Variants in ZNF778 observed in about 807,000 individuals in gnomAD.
ZNF778 encodes zinc finger protein 778.
In ZNF778, 37 loss-of-function variants were observed where a neutral mutation model predicts 23.9. The observed-to-expected ratio is 1.54, with a 90% CI of 1.19 to 2.03. The LOEUF is 2.03. Ranked by LOEUF, ZNF778 falls within the 30% of genes most tolerant of loss-of-function variation. The pLI is 0.00. For missense variants in ZNF778, 1,297 were observed against 934.4 expected (o/e 1.39, Z -5.06); for synonymous variants, 483 against 343.9 (o/e 1.40, Z -4.48).
rs371492438 is a variant in ZNF778, at chr16:89,223,141, A to G, written c.118-16A>G. The G allele has an allele frequency of 6.2e-7, 1 of 1,610,864 alleles. No individual in the cohort carries two copies. The highest frequency in any genetic ancestry group is 1.3e-5 in the African/African-American group (1 of 74,772). On this transcript the variant is annotated splice_polypyrimidine_tract_variant and intron_variant, in intron 3 of 6. Coordinates refer to ENST00000433976, the MANE Select transcript of ZNF778 (RefSeq NM_001201407.2). Reference sequence around the variant, plus strand: ...GACACGTTGGAAGGCTCCAACCGTCATGTGTGATGATTTAGGACGCGGTGA... The same window carrying G: ...GACACGTTGGAAGGCTCCAACCGTCGTGTGTGATGATTTAGGACGCGGTGA...
At position 89,227,015 on chromosome 16, in the gene ZNF778, C is replaced by G; in HGVS notation, c.727C>G (p.Arg243Gly). 6.2e-7 allele frequency: 1 copy of G among 1,613,940 alleles called. No homozygotes were observed. Reference protein sequence around the residue: ...VFLNQSYLQARAGSHNGEETW... With the variant: ...VFLNQSYLQAGAGSHNGEETW... ...CCTTAATCAGTCATACCTTCAGGCA[C>G]GTGCGGGAAGTCACAACGGAGAAGA... Residue 243 changes from arginine (R) to glycine (G), a missense_variant, in exon 7 of 7, where the codon CGT becomes GGT. Arg to Gly is a moderately radical substitution (Grantham distance 125). Coordinates refer to ENST00000433976, the MANE Select transcript of ZNF778 (RefSeq NM_001201407.2).
At position 89,227,032 on chromosome 16, in the gene ZNF778, C is replaced by A. The variant is rs761177167; in HGVS notation, c.744C>A (p.Asn248Lys). The change falls in exon 7 of 7, where the codon AAC becomes AAA. Residue 248 changes from asparagine to lysine, a missense_variant. Transcript: ENST00000433976. ...TTCAGGCACGTGCGGGAAGTCACAA[C>A]GGAGAAGAAACATGGAAATGGAAGC... The part of the protein sequence containing the change: ...SYLQARAGSH[N>K]GEETWKWKPC... The A allele has an allele frequency of 3.1e-6, 5 of 1,613,906 alleles. No individual in the cohort carries two copies. Among genetic ancestry groups the A allele is most frequent in the Non-Finnish European group, 4.2e-6 (5 of 1,179,890 alleles).
At chr16:89,225,121 T>G (rs1169286359) in intron 5 of ZNF778, among the ~76,000 whole-genome samples, 3 of 95,702 alleles carry the variant, frequency 3.1e-5, no homozygotes, top group African/African-American at 3.4e-5. Flanking sequence ...GTTTTTTTTT[T>G]TTTTTTTTTT....
chr16:89,226,937 C>T lies in ZNF778; in HGVS notation c.649C>T (p.Gln217Ter), dbSNP rs778517598. 6.2e-7 allele frequency: 1 copy of T among 1,614,016 alleles called. No homozygotes were observed. Among genetic ancestry groups the T allele is most frequent in the South Asian group, 1.1e-5 (1 of 91,084 alleles). The change falls in exon 7 of 7, where the codon CAA (glutamine) becomes TAA (stop). Residue 217 changes from glutamine to a stop codon, truncating the protein, a stop_gained. Coordinates refer to ENST00000433976, the MANE Select transcript of ZNF778 (RefSeq NM_001201407.2). LOFTEE classifies it low-confidence loss of function (END_TRUNC). ...CTCTACTCCAAATGTTGTTTCCCAGCAAGCATGCACTCGGGACAGATCTCT... is the reference window on the plus strand; with the variant it reads ...CTCTACTCCAAATGTTGTTTCCCAGTAAGCATGCACTCGGGACAGATCTCT... The part of the protein sequence containing the change: ...FSSTPNVVSQ[Q>*]ACTRDRSLDY...
chr16:89,221,583 CTGTGTGTG>C (rs35503385), intron 2 of ZNF778, among the ~76,000 whole-genome samples: 21 of 141,496 alleles, frequency 1.5e-4, no homozygotes, highest in South Asian at 4.7e-4. Context: ...CACTGTATGG[CTGTGTGTG>C]TGTGTGTGTG....
Position 89,227,503 on chromosome 16 carries a change from C to T in ZNF778, c.1215C>T (p.Ser405=), listed in dbSNP as rs944767307. 10 of 1,613,682 alleles carry T rather than the reference C, an allele frequency of 6.2e-6. No homozygotes were observed. The highest frequency in any genetic ancestry group is 5.3e-5 in the African/African-American group (4 of 74,822). Residue 405 remains serine (S), a synonymous_variant, in exon 7 of 7, where the codon TCC becomes TCT. Coordinates refer to ENST00000433976, the MANE Select transcript of ZNF778 (RefSeq NM_001201407.2). ...CVVCGKYFRN[S]SCLNNHVRIH... is the part of the protein sequence containing the mutation. The stretch of plus-strand genomic sequence containing the variant: ...TTTGCGGAAAATATTTTAGAAATTC[C>T]TCATGCCTTAATAATCATGTTCGAA...
At position 89,230,566 on chromosome 16, in the gene ZNF778, C is replaced by T. The variant is rs367979935; in HGVS notation, c.*2004C>T. On this transcript the variant is annotated 3_prime_UTR_variant, in exon 7 of 7. Coordinates refer to ENST00000433976, the MANE Select transcript of ZNF778 (RefSeq NM_001201407.2). ...CTCCTTTGTGTACCATGAAAACAGA[C>T]CAGGGACACGGCTGGTCCTGATGTT... The T allele has an allele frequency of 2.6e-5, 4 of 152,370 alleles. No individual in the cohort carries two copies. The East Asian group carries it at 5.8e-4, about 22-fold the overall frequency. 9.4% of individuals were successfully genotyped at this position (152,370 alleles called of 1,614,324 possible). A position where few individuals can be genotyped will look rare whatever the true frequency, so the allele number is the denominator to read the frequency against.
rs2031863055 is a variant in ZNF778 at position 89,230,485 on chromosome 16, G to C, written c.*1923G>C. 6.6e-6 allele frequency: 1 copy of C among 152,184 alleles called. No homozygotes were observed. The highest frequency in any genetic ancestry group is 1.5e-5 in the Non-Finnish European group (1 of 68,080). 9.4% of individuals were successfully genotyped at this position (152,184 alleles called of 1,614,324 possible). A position where few individuals can be genotyped will look rare whatever the true frequency, so the allele number is the denominator to read the frequency against. On this transcript the variant is annotated 3_prime_UTR_variant, in exon 7 of 7. Coordinates refer to ENST00000433976, the MANE Select transcript of ZNF778 (RefSeq NM_001201407.2). ...GCAGCTGCTGTGATCCGGCATTCAT[G>C]GGGCAGCTGCTGCGACCCGGCACTC...
intron 3 of ZNF778, among the ~76,000 whole-genome samples, chr16:89,222,444 A>T (rs1006456980): frequency 1.3e-5 from 2 of 152,162 alleles, no homozygotes; most frequent in Non-Finnish European, 2.9e-5. Flanking sequence ...GCTCACTGCA[A>T]TCTCCGCCTC....
intron 3 of ZNF778, among the ~76,000 whole-genome samples, chr16:89,222,915 G>C (rs1277117218): frequency 6.7e-6 from 1 of 149,718 alleles, no homozygotes; most frequent in African/African-American, 2.4e-5. Flanking sequence ...GCGACAGGGT[G>C]CGCGTGACTG....
At chr16:89,223,051 G>A in intron 3 of ZNF778, 106 bp from the exon 4 acceptor site, 1 of 1,363,064 alleles carries the variant, frequency 7.3e-7, no homozygotes, top group South Asian at 1.5e-5. Flanking sequence ...GGGGTAGACA[G>A]TAGGAGGCCT....
Position 89,235,861 on chromosome 16 carries a change from A to T in ZNF778, c.*7299A>T, listed in dbSNP as rs1397442190. ...ATGAGCCCCAGACAGGATAAACCTA[A>T]AGAAAACCAAGCCCAGGCCGGGGGC... On this transcript the variant is annotated 3_prime_UTR_variant, in exon 7 of 7. Transcript: ENST00000433976. The T allele has an allele frequency of 1.3e-5, 2 of 152,116 alleles. No homozygotes were observed. The highest frequency in any genetic ancestry group is 2.9e-5 in the Non-Finnish European group (2 of 68,040). 9.4% of individuals were successfully genotyped at this position (152,116 alleles called of 1,614,324 possible).
Position 89,227,940 on chromosome 16 carries a change from A to G in ZNF778, c.1652A>G (p.His551Arg). The stretch of plus-strand genomic sequence containing the variant: ...AATAGGGTTTATCTACTGAATGAGC[A>G]TGTGAAAACTCACACAGAGGAGAAG... The part of the protein sequence containing the change: ...AYNRVYLLNE[H>R]VKTHTEEKPF... Residue 551 changes from histidine (H) to arginine (R), a missense_variant, in exon 7 of 7, where the codon CAT becomes CGT. Coordinates refer to ENST00000433976, the MANE Select transcript of ZNF778 (RefSeq NM_001201407.2). 6.3e-7 allele frequency: 1 copy of G among 1,590,348 alleles called. No individual in the cohort carries two copies. The highest frequency in any genetic ancestry group is 1.1e-5 in the South Asian group (1 of 88,210).
Position 89,233,890 on chromosome 16 carries a change from C to T in ZNF778, c.*5328C>T, listed in dbSNP as rs2151642410. On this transcript the variant is annotated 3_prime_UTR_variant, in exon 7 of 7. Coordinates refer to ENST00000433976, the MANE Select transcript of ZNF778 (RefSeq NM_001201407.2). ...CACACCAAGCCAGTATTTCTCCTCCCTGAAGTCAGCCCAGGATGAGGCACT... is the reference window on the plus strand; with the variant it reads ...CACACCAAGCCAGTATTTCTCCTCCTTGAAGTCAGCCCAGGATGAGGCACT... The T allele has an allele frequency of 7.8e-7, 1 of 1,289,650 alleles. No homozygotes were observed. The highest frequency in any genetic ancestry group is 2.1e-4 in the Middle Eastern group (1 of 4,696). The allele number at this position is 1,289,650 out of a possible 1,614,324, so 79.9% of individuals were successfully genotyped here. A position where few individuals can be genotyped will look rare whatever the true frequency, so the allele number is the denominator to read the frequency against.
In ZNF778 at chr16:89,226,855, C is replaced by T. The variant is rs747539732; in HGVS notation, c.567C>T (p.Thr189=). The T allele has an allele frequency of 1.1e-5, 17 of 1,614,002 alleles. No individual in the cohort carries two copies. The highest frequency in any genetic ancestry group is 1.4e-5 in the Non-Finnish European group (17 of 1,179,888). ...ERDFFIPCQK[T]LFKIGEQFSV... ...ACTTTTTTATTCCATGCCAGAAAACCTTGTTCAAAATTGGAGAGCAGTTTT... is the reference window on the plus strand; with the variant it reads ...ACTTTTTTATTCCATGCCAGAAAACTTTGTTCAAAATTGGAGAGCAGTTTT... Residue 189 remains threonine (T), a synonymous_variant, in exon 7 of 7, where the codon ACC becomes ACT. Coordinates refer to ENST00000433976, the MANE Select transcript of ZNF778 (RefSeq NM_001201407.2).
At chr16:89,222,387 G>T (rs939616820) in intron 3 of ZNF778, among the ~76,000 whole-genome samples, 2 of 151,548 alleles carry the variant, frequency 1.3e-5, no homozygotes, top group African/African-American at 4.8e-5. Flanking sequence ...TTTTTGAGAC[G>T]GAGTCTCGCT....
intron 4 of ZNF778, among the ~76,000 whole-genome samples, chr16:89,224,442 AC>A (rs1421030280): frequency 6.6e-6 from 1 of 152,118 alleles, no homozygotes; most frequent in African/African-American, 2.4e-5. Context: ...ACACGGTGAA[AC>A]CCCATCTCTA....
intron 1 of ZNF778, among the ~76,000 whole-genome samples, chr16:89,220,165 A>G (rs2030780057): frequency 2.0e-5 from 3 of 152,214 alleles, no homozygotes; most frequent in Non-Finnish European, 4.4e-5. Flanking sequence ...AAGTCAACAC[A>G]TTTGTGGGTC....
Position 89,231,832 on chromosome 16 carries a change from TCTC to T in ZNF778, c.*3273_*3275del, listed in dbSNP as rs2151639982. On this transcript the variant is annotated 3_prime_UTR_variant, in exon 7 of 7. Transcript: ENST00000433976. ...TCCTCCGCTGCAGCTTTCCATCTCA[TCTC>T]CTTACTCCCTTGACTTGGCTTCACA... The T allele has an allele frequency of 6.6e-6, 1 of 152,302 alleles. No homozygotes were observed. Among genetic ancestry groups the T allele is most frequent in the South Asian group, 2.1e-4 (1 of 4,824 alleles). 9.4% of individuals were successfully genotyped at this position (152,302 alleles called of 1,614,324 possible). A position where few individuals can be genotyped will look rare whatever the true frequency, so the allele number is the denominator to read the frequency against.
Sources: gnomAD v4.1 joint callset for allele counts (sites outside exome capture counted in the v4.1 genomes callset) on GRCh38, gnomAD v4.1.1 for gene constraint, MANE v1.5 for transcripts, NCBI Gene and HGNC (gene_info 2026-07-23, HGNC 2026-07-21) for gene names.